SLIT3: variants seen among roughly 807,000 people sequenced by gnomAD.
SLIT3 encodes slit homolog 3 protein.
In SLIT3, 68 loss-of-function variants were observed where a neutral mutation model predicts 184.0. That is an observed-to-expected ratio of 0.37 (90% CI 0.30 to 0.45). The LOEUF (loss-of-function observed/expected upper bound fraction) is 0.45, where lower values mean the gene tolerates loss of function less well. Among genes scored for constraint, SLIT3 ranks in the 20% least tolerant of loss-of-function variants. The pLI is 1.00. For missense variants in SLIT3, 1,707 were observed against 2,026.0 expected (o/e 0.84, Z 3.02); for synonymous variants, 831 against 828.6 (o/e 1.00, Z -0.05).
chr5:168,775,059 T>C (rs1406973005), intron 12 of SLIT3, among the ~76,000 whole-genome samples: 3 of 144,978 alleles, frequency 2.1e-5, no homozygotes, highest in African/African-American at 7.7e-5. Context: ...TTTTTTGAGA[T>C]GGAGTCTTGC....
chr5:169,100,952 A>G (rs116728036), intron 4 of SLIT3, among the ~76,000 whole-genome samples: 18 of 152,346 alleles, frequency 1.2e-4, no homozygotes, highest in African/African-American at 4.3e-4. Context: ...TTTTTAAATA[A>G]GTAGCCCAGC....
At chr5:168,998,750 G>T (rs1398662208) in intron 4 of SLIT3, among the ~76,000 whole-genome samples, 1 of 141,442 alleles carries the variant, frequency 7.1e-6, no homozygotes, top group African/African-American at 2.6e-5. Flanking sequence ...AAAGGCCATT[G>T]AACAGGGTGA....
At chr5:168,830,510 G>C (rs1757846867) in intron 6 of SLIT3, among the ~76,000 whole-genome samples, 1 of 152,228 alleles carries the variant, frequency 6.6e-6, no homozygotes, top group Admixed American at 6.5e-5. Context: ...AGCTAGACTA[G>C]TCAAGGATAT....
At chr5:168,955,894 G>C (rs575315260) in intron 4 of SLIT3, among the ~76,000 whole-genome samples, 1 of 152,092 alleles carries the variant, frequency 6.6e-6, no homozygotes, top group African/African-American at 2.4e-5. Context: ...TAGGAGCTAC[G>C]ACTTCAGGCT....
Position 168,691,862 on chromosome 5 carries a change from A to G in SLIT3, c.3176+745T>C, listed in dbSNP as rs114057778. On this transcript the variant is annotated intron_variant, in intron 29 of 35. Coordinates refer to ENST00000519560, the MANE Select transcript of SLIT3 (RefSeq NM_003062.4). ...AACCCCCAGTCTCAAGGGTCTCACA[A>G]TCTTCTCTAGAAGAGGCAGTGGCAA... 7.9e-3 allele frequency among the ~76,000 whole-genome samples: 1,206 copies of G among 152,278 alleles called. 23 individuals are homozygous for G. The highest frequency in any genetic ancestry group is 0.028 in the African/African-American group (1,145 of 41,556).
chr5:169,038,667 C>A (rs1304143653), intron 4 of SLIT3, among the ~76,000 whole-genome samples: 1 of 152,154 alleles, frequency 6.6e-6, no homozygotes, highest in Non-Finnish European at 1.5e-5. Context: ...GGCAGTGAAG[C>A]TCACTGAGGC....
chr5:168,768,610 C>T (rs193141472), intron 14 of SLIT3, among the ~76,000 whole-genome samples: 29 of 152,338 alleles, frequency 1.9e-4, no homozygotes, highest in African/African-American at 6.5e-4. Flanking sequence ...TCTGACAAGA[C>T]ATTAAACTTA....
intron 4 of SLIT3, chr5:169,023,477 G>C (rs997552494): frequency 8.5e-5 from 13 of 152,168 alleles, no homozygotes; most frequent in Non-Finnish European, 1.6e-4. Flanking sequence ...TGTAGGATAT[G>C]TGCATTGAGA....
intron 4 of SLIT3, among the ~76,000 whole-genome samples, chr5:169,117,056 GAC>G (rs1409778562): frequency 6.6e-6 from 1 of 152,128 alleles, no homozygotes. Flanking sequence ...CTCCACCAGG[GAC>G]ACACAGCAAG....
intron 4 of SLIT3, among the ~76,000 whole-genome samples, chr5:168,897,406 G>T (rs1214672955): frequency 6.6e-6 from 1 of 151,970 alleles, no homozygotes; most frequent in Non-Finnish European, 1.5e-5. Context: ...AAGATAGACA[G>T]ATATAAAGAT....
At chr5:168,692,572 G>A (rs1488335607) in intron 29 of SLIT3, 35 bp downstream of exon 29, 1 of 1,469,308 alleles carries the variant, frequency 6.8e-7, no homozygotes, top group Non-Finnish European at 9.5e-7. Flanking sequence ...GAGTTTTCAT[G>A]GACTCTGTGC....
At chr5:168,716,166 A>C (rs1470345632) in intron 23 of SLIT3, among the ~76,000 whole-genome samples, 1 of 151,196 alleles carries the variant, frequency 6.6e-6, no homozygotes, top group South Asian at 2.1e-4. Flanking sequence ...TAGTAGAGAC[A>C]GTGTTTCACC....
chr5:169,151,942 T>A (rs1168982044), intron 4 of SLIT3, among the ~76,000 whole-genome samples: 1 of 152,222 alleles, frequency 6.6e-6, no homozygotes, highest in Non-Finnish European at 1.5e-5. Context: ...ATGAGGATGA[T>A]CAGAGCACCT....
chr5:169,191,520 T>C (rs1194678225), intron 4 of SLIT3, among the ~76,000 whole-genome samples: 4 of 152,234 alleles, frequency 2.6e-5, no homozygotes, highest in African/African-American at 9.6e-5. Flanking sequence ...CTTACACTTA[T>C]ACAGCACTTT....
At chr5:169,155,394 A>G (rs1026561987) in intron 4 of SLIT3, among the ~76,000 whole-genome samples, 1 of 152,356 alleles carries the variant, frequency 6.6e-6, no homozygotes, top group East Asian at 1.9e-4. Context: ...AACATCATGC[A>G]TAATTTGGAT....
At chr5:168,825,684 A>G (rs998711399) in intron 6 of SLIT3, among the ~76,000 whole-genome samples, 4 of 152,190 alleles carry the variant, frequency 2.6e-5, no homozygotes, top group African/African-American at 9.7e-5. Context: ...GGAGATGCTC[A>G]GTGGGGGATA....
At chr5:168,740,778 C>T (rs1415922217) in intron 20 of SLIT3, among the ~76,000 whole-genome samples, 1 of 152,190 alleles carries the variant, frequency 6.6e-6, no homozygotes, top group East Asian at 1.9e-4. Context: ...TCCCAAAGTG[C>T]TGAAGTTTAC....
chr5:168,963,036 T>A (rs530270198), intron 4 of SLIT3, among the ~76,000 whole-genome samples: 35 of 152,352 alleles, frequency 2.3e-4, no homozygotes, highest in African/African-American at 7.5e-4. Context: ...TTACATTTAG[T>A]TTCTTACTTA....
intron 16 of SLIT3, 81 bp downstream of exon 16, chr5:168,760,781 G>T (rs914520887): frequency 9.8e-7 from 1 of 1,019,920 alleles, no homozygotes; most frequent in Non-Finnish European, 1.5e-6. Flanking sequence ...GGGAGAGGCC[G>T]GTCCCCTGGT....
Sources: gnomAD v4.1 joint callset for allele counts (sites outside exome capture counted in the v4.1 genomes callset) on GRCh38, gnomAD v4.1.1 for gene constraint, MANE v1.5 for transcripts, NCBI Gene and HGNC (gene_info 2026-07-23, HGNC 2026-07-21) for gene names.